Variants in KLF11 observed in about 807,000 individuals in gnomAD.
The protein encoded by KLF11 is KLF transcription factor 11.
A neutral mutation model predicts 29.9 loss-of-function variants in KLF11; 26 were observed. The ratio of observed to expected loss-of-function variants is 0.87; its 90% CI spans 0.64 to 1.21. The LOEUF is 1.21. KLF11 is among the 50% of genes most tolerant of loss of function. The pLI is 0.00. For missense variants in KLF11, 778 were observed against 665.7 expected, an observed-to-expected ratio of 1.17 and a Z score of -1.86; for synonymous variants, 318 against 257.4, an observed-to-expected ratio of 1.24 and a Z score of -2.25.
intron 3 of KLF11, among the ~76,000 whole-genome samples, chr2:10,048,942 G>T (rs1661322094): frequency 1.5e-5 from 2 of 132,428 alleles, no homozygotes. Context: ...AAGAAAACAT[G>T]CATTCATTCA....
At chr2:10,045,213 G>GTCCC (rs1482804201) in intron 1 of KLF11, among the ~76,000 whole-genome samples, 1 of 151,966 alleles carries the variant, frequency 6.6e-6, no homozygotes, top group African/African-American at 2.4e-5. Context: ...ATCGCCTGAG[G>GTCCC]TCAGGAGTTG....
rs760407198 is a variant in KLF11 at position 10,046,429 on chromosome 2, G to A, written c.312+10G>A. 2 of 1,613,400 alleles carry A rather than the reference G, an allele frequency of 1.2e-6. No homozygotes were observed. Among genetic ancestry groups the A allele is most frequent in the South Asian group, 1.1e-5 (1 of 91,082 alleles). ...TTCTTTATCGACTCTGGTAAGAGGA[G>A]GTGGGAGGGAGGAGCGTTTTTGTGA... On this transcript the variant is annotated intron_variant, in intron 2 of 3. Transcript: ENST00000305883.
At chr2:10,050,512 C>T (rs1315733494) in intron 3 of KLF11, among the ~76,000 whole-genome samples, 2 of 151,792 alleles carry the variant, frequency 1.3e-5, no homozygotes, top group Non-Finnish European at 2.9e-5. Flanking sequence ...GAAATTGAGA[C>T]CATCCTGGCC....
chr2:10,047,576 T>C (rs950452155), intron 2 of KLF11, 74 bp from the exon 3 acceptor site: 8 of 1,226,416 alleles, frequency 6.5e-6, no homozygotes, highest in African/African-American at 1.5e-5. Context: ...TGTAAAGGTA[T>C]TGGGAGCATT....
In KLF11 at chr2:10,054,465, A is replaced by G. The variant is rs1661497012; in HGVS notation, c.*1958A>G. The G allele has an allele frequency of 6.6e-6, 1 of 152,640 alleles. No individual in the cohort carries two copies. The highest frequency in any genetic ancestry group is 6.5e-5 in the Admixed American group (1 of 15,268). 9.5% of individuals were successfully genotyped at this position (152,640 alleles called of 1,614,324 possible). On this transcript the variant is annotated 3_prime_UTR_variant, in exon 4 of 4. Coordinates refer to ENST00000305883, the MANE Select transcript of KLF11 (RefSeq NM_003597.5). ...ATTTACACTTCCATTTCCTGATTAC[A>G]TTTGGAAATACTTTGTGTAAACCAT...
chr2:10,043,740 C>T lies in KLF11; in HGVS notation c.24C>T (p.Gly8=). Reference sequence around the variant, plus strand: ...CGATGCACACGCCGGACTTCGCAGGCCCAGACGACGCGCGCGCAGTGAGTG... The same window carrying T: ...CGATGCACACGCCGGACTTCGCAGGTCCAGACGACGCGCGCGCAGTGAGTG... The part of the protein sequence containing the change: MHTPDFA[G]PDDARAVDIM... Residue 8 remains glycine, a synonymous_variant, in exon 1 of 4, where the codon GGC becomes GGT. Transcript: ENST00000305883. The T allele has an allele frequency of 2.2e-6, 3 of 1,383,022 alleles. No individual in the cohort carries two copies. Among genetic ancestry groups the T allele is most frequent in the Non-Finnish European group, 1.9e-6 (2 of 1,053,184 alleles). The allele number at this position is 1,383,022 out of a possible 1,614,324, so 85.7% of individuals were successfully genotyped here.
At position 10,046,439 on chromosome 2, in the gene KLF11, A is replaced by G; in HGVS notation, c.312+20A>G. The G allele has an allele frequency of 6.2e-7, 1 of 1,612,178 alleles. No individual in the cohort carries two copies. The stretch of plus-strand genomic sequence containing the variant: ...ACTCTGGTAAGAGGAGGTGGGAGGG[A>G]GGAGCGTTTTTGTGAAATGACTAGA... On this transcript the variant is annotated intron_variant, in intron 2 of 3. Coordinates refer to ENST00000305883, the MANE Select transcript of KLF11 (RefSeq NM_003597.5).
intron 1 of KLF11, chr2:10,043,969 G>T (rs1661082079): frequency 3.3e-6 from 3 of 898,960 alleles, no homozygotes; most frequent in South Asian, 5.1e-5. Context: ...CGAGGAGGGG[G>T]CGTGTTCCCC....
rs1484817767 is a variant in KLF11, at chr2:10,054,815, T to C, written c.*2308T>C. On this transcript the variant is annotated 3_prime_UTR_variant, in exon 4 of 4. Coordinates refer to ENST00000305883, the MANE Select transcript of KLF11 (RefSeq NM_003597.5). ...TAATGTAACTTTTCTCTTTGAATCA[T>C]ATAAAACTTGATTTTACATTGGATG... 6.6e-6 allele frequency: 1 copy of C among 152,420 alleles called. No individual in the cohort carries two copies. Among genetic ancestry groups the C allele is most frequent in the Admixed American group, 6.5e-5 (1 of 15,288 alleles). The allele number at this position is 152,420 out of a possible 1,614,324, so 9.4% of individuals were successfully genotyped here.
intron 2 of KLF11, 51 bp downstream of exon 2, chr2:10,046,470 T>A: frequency 6.3e-7 from 1 of 1,588,040 alleles, no homozygotes; most frequent in Non-Finnish European, 8.6e-7. Context: ...CTAGAGTAGC[T>A]GAACTCAGTG....
rs887183967 is a variant in KLF11, at chr2:10,054,099, A to T, written c.*1592A>T. Reference sequence around the variant, plus strand: ...GCCCCTTAGTATCAGCTGTTACTTGACACAAATGTGTGTGTTATTCAGAGG... The same window carrying T: ...GCCCCTTAGTATCAGCTGTTACTTGTCACAAATGTGTGTGTTATTCAGAGG... On this transcript the variant is annotated 3_prime_UTR_variant, in exon 4 of 4. Transcript: ENST00000305883. 5 of 152,166 alleles carry T rather than the reference A, an allele frequency of 3.3e-5. No homozygotes were observed. Among genetic ancestry groups the T allele is most frequent in the Admixed American group, 6.5e-5 (1 of 15,282 alleles). 9.4% of individuals were successfully genotyped at this position (152,166 alleles called of 1,614,324 possible).
chr2:10,050,641 G>A (rs1661374843), intron 3 of KLF11, among the ~76,000 whole-genome samples: 3 of 151,948 alleles, frequency 2.0e-5, no homozygotes, highest in Admixed American at 6.6e-5. Context: ...CCTGGGAGGC[G>A]GAGGTTGCAG....
In KLF11 at chr2:10,048,601, C is replaced by T. The variant is rs1553313772; in HGVS notation, c.1258+6C>T. 12 of 1,593,934 alleles carry T rather than the reference C, an allele frequency of 7.5e-6. No homozygotes were observed. Among genetic ancestry groups the T allele is most frequent in the South Asian group, 2.2e-5 (2 of 90,918 alleles). ...CCATCTTCGCACTCACACAGGTAAGCGCTGGGGCAGGTGGGGCATTGGGCA... is the reference window on the plus strand; with the variant it reads ...CCATCTTCGCACTCACACAGGTAAGTGCTGGGGCAGGTGGGGCATTGGGCA... On this transcript the variant is annotated splice_donor_region_variant and intron_variant, in intron 3 of 3. Transcript: ENST00000305883.
rs1323583881 is a variant in KLF11 at position 10,047,709 on chromosome 2, T to C, written c.372T>C (p.Ser124=). The C allele has an allele frequency of 1.2e-6, 2 of 1,613,512 alleles. No individual in the cohort carries two copies. The highest frequency in any genetic ancestry group is 1.7e-6 in the Non-Finnish European group (2 of 1,180,044). The part of the protein sequence containing the change: ...LVEPSTRTPV[S]PQVTDSKACT... The stretch of plus-strand genomic sequence containing the variant: ...AGCCATCGACAAGGACACCTGTTTC[T>C]CCCCAAGTAACAGATTCCAAAGCAT... The change falls in exon 3 of 4, where the codon TCT becomes TCC. Residue 124 remains serine (S), a synonymous_variant. Transcript: ENST00000305883.
Position 10,043,657 on chromosome 2 carries a change from C to A in KLF11, c.-60C>A, listed in dbSNP as rs1219260829. On this transcript the variant is annotated 5_prime_UTR_variant, in exon 1 of 4. Coordinates refer to ENST00000305883, the MANE Select transcript of KLF11 (RefSeq NM_003597.5). ...CCGCCGCCCGCAGCCCACGTGCGGC[C>A]GCTGCTGCGCCCGAGCTCACGCCCC... 1.3e-5 allele frequency: 16 copies of A among 1,193,490 alleles called. No individual in the cohort carries two copies. The highest frequency in any genetic ancestry group is 1.6e-5 in the African/African-American group (1 of 61,180). 73.9% of individuals were successfully genotyped at this position (1,193,490 alleles called of 1,614,324 possible). A position where few individuals can be genotyped will look rare whatever the true frequency, so the allele number is the denominator to read the frequency against.
At chr2:10,044,078 G>A (rs1489739012) in intron 1 of KLF11, 3 of 717,716 alleles carry the variant, frequency 4.2e-6, no homozygotes, top group Non-Finnish European at 5.1e-6. Flanking sequence ...CCGGACGGCC[G>A]TTGGGCGGGG....
In KLF11 at chr2:10,052,798, A is replaced by C. The variant is rs1271088185; in HGVS notation, c.*291A>C. 4.7e-6 allele frequency: 2 copies of C among 422,702 alleles called. No individual in the cohort carries two copies. The highest frequency in any genetic ancestry group is 4.0e-5 in the African/African-American group (2 of 49,394). The allele number at this position is 422,702 out of a possible 1,614,324, so 26.2% of individuals were successfully genotyped here. A position where few individuals can be genotyped will look rare whatever the true frequency, so the allele number is the denominator to read the frequency against. On this transcript the variant is annotated 3_prime_UTR_variant, in exon 4 of 4. Transcript: ENST00000305883. ...CATTCAAACAAATATTTCGGCAATA[A>C]AGTTTACAAAATCTGGATTTTTACA...
rs1009136899 is a variant in KLF11 at position 10,048,469 on chromosome 2, T to G, written c.1132T>G (p.Ser378Ala). 7.4e-6 allele frequency: 12 copies of G among 1,613,990 alleles called. No individual in the cohort carries two copies. The highest frequency in any genetic ancestry group is 1.0e-5 in the Non-Finnish European group (12 of 1,180,034). ...PLAPAPVFIT[S>A]SQNCVPQVDF... ...TGCCCCTGCTCCAGTGTTCATCACC[T>G]CTAGCCAAAACTGTGTCCCTCAGGT... Residue 378 changes from serine to alanine, a missense_variant, in exon 3 of 4, where the codon TCT becomes GCT. Coordinates refer to ENST00000305883, the MANE Select transcript of KLF11 (RefSeq NM_003597.5).
chr2:10,047,130 C>T (rs1235132136), intron 2 of KLF11, among the ~76,000 whole-genome samples: 2 of 152,242 alleles, frequency 1.3e-5, no homozygotes, highest in South Asian at 2.1e-4. Flanking sequence ...TCTGCCCTCC[C>T]GTGGCAGCCG....
Sources: allele counts gnomAD v4.1 joint callset (sites outside exome capture counted in the v4.1 genomes callset), GRCh38; gene constraint gnomAD v4.1.1; transcripts MANE v1.5; gene names NCBI Gene and HGNC (gene_info 2026-07-23, HGNC 2026-07-21).